NOC2L: variants seen among roughly 807,000 people sequenced by gnomAD.
NOC2L encodes nucleolar complex protein 2 homolog.
A neutral mutation model predicts 94.2 loss-of-function variants in NOC2L; 101 were observed. That is an observed-to-expected ratio of 1.07 (90% CI 0.91 to 1.26). The LOEUF is 1.26. NOC2L is among the 50% of genes most tolerant of loss of function. The pLI, the probability that NOC2L is intolerant of heterozygous loss-of-function variation, is 0.00. For missense variants in NOC2L, 1,076 were observed against 980.1 expected, an observed-to-expected ratio of 1.10 and a Z score of -1.31; for synonymous variants, 531 against 413.4, an observed-to-expected ratio of 1.28 and a Z score of -3.45.
rs1479129065 is a variant in NOC2L, at chr1:945,207, C to T, written c.2054-61G>A. Reference sequence around the variant, plus strand: ...CCCACAGGGTCCACCAGCAAAGTCACAGTGGGGGCAGGAGGGTGGCCAGGC... The same window carrying T: ...CCCACAGGGTCCACCAGCAAAGTCATAGTGGGGGCAGGAGGGTGGCCAGGC... On this transcript the variant is annotated intron_variant, in intron 17 of 18. Transcript: ENST00000327044. 1.6e-5 allele frequency: 25 copies of T among 1,537,576 alleles called. 1 individual carries two copies. The highest frequency in any genetic ancestry group is 2.5e-5 in the East Asian group (1 of 40,798).
intron 15 of NOC2L, 37 bp downstream of exon 15, chr1:946,365 G>C: frequency 2.5e-6 from 4 of 1,613,256 alleles, no homozygotes; most frequent in Non-Finnish European, 3.4e-6. Flanking sequence ...ACCCTGGCAG[G>C]TGCCCTCAGG....
intron 12 of NOC2L, among the ~76,000 whole-genome samples, chr1:950,659 GCA>G (rs891444304): frequency 2.3e-4 from 9 of 39,668 alleles, no homozygotes; most frequent in African/African-American, 4.2e-4. Context: ...GAACTGATAT[GCA>G]CACACACACA....
At chr1:945,171 T>G in intron 17 of NOC2L, 25 bp from the exon 18 acceptor site, 1 of 1,572,640 alleles carries the variant, frequency 6.4e-7, no homozygotes, top group Non-Finnish European at 8.6e-7. Flanking sequence ...GCAGAGTCCA[T>G]ATGACTCCCA....
chr1:944,923 A>G, intron 18 of NOC2L, 123 bp from the exon 19 acceptor site: 1 of 1,459,082 alleles, frequency 6.9e-7, no homozygotes, highest in South Asian at 1.2e-5. Flanking sequence ...GCTGCCAGAG[A>G]ACAGAGCATT....
intron 4 of NOC2L, 29 bp downstream of exon 4, chr1:956,865 C>G: frequency 6.2e-7 from 1 of 1,612,082 alleles, no homozygotes; most frequent in Non-Finnish European, 8.5e-7. Context: ...GCCTGGGCAC[C>G]CAGCTGCCCG....
rs1642108650 is a variant in NOC2L at position 946,279 on chromosome 1, C to T, written c.1811G>A (p.Trp604Ter). The T allele has an allele frequency of 3.1e-6, 5 of 1,613,498 alleles. No individual in the cohort carries two copies. The highest frequency in any genetic ancestry group is 3.4e-6 in the Non-Finnish European group (4 of 1,179,658). ...CCCCTCTTCCCGGGTCAGCTTCTCC[C>T]AGGCTTCCTGGGGGGTTGGGGGAGT... ...GVSEQQAVEAWEKLTREEGTP... is the reference protein window; with the variant it reads ...GVSEQQAVEA The change falls in exon 16 of 19, where the codon TGG (tryptophan) becomes TAG (stop). Residue 604 changes from tryptophan to a stop codon, truncating the protein, a stop_gained. Transcript: ENST00000327044. LOFTEE classifies it high-confidence loss of function.
In NOC2L at chr1:945,615, C is replaced by A. The variant is rs769972766; in HGVS notation, c.1956G>T (p.Lys652Asn). Residue 652 changes from lysine to asparagine, a missense_variant, in exon 17 of 19, where the codon AAG becomes AAT. Coordinates refer to ENST00000327044, the MANE Select transcript of NOC2L (RefSeq NM_015658.4). ...TGTCCTCATCCTTCCTGTCAGCCAT[C>A]TTCCTTCGTTTGATCTCAGGGAAGT... ...DLNFPEIKRRKMADRKDEDRK... is the reference protein window; with the variant it reads ...DLNFPEIKRRNMADRKDEDRK... The A allele has an allele frequency of 6.2e-7, 1 of 1,614,220 alleles. No individual in the cohort carries two copies. Among genetic ancestry groups the A allele is most frequent in the South Asian group, 1.1e-5 (1 of 91,082 alleles).
rs200646300 is a variant in NOC2L, at chr1:951,140, G to A, written c.1430C>T (p.Pro477Leu). 71 of 1,583,272 alleles carry A rather than the reference G, an allele frequency of 4.5e-5. No homozygotes were observed. Among genetic ancestry groups the A allele is most frequent in the Non-Finnish European group, 5.4e-5 (63 of 1,164,462 alleles). The change falls in exon 12 of 19, where the codon CCT becomes CTT. Residue 477 changes from proline (P) to leucine (L), a missense_variant. Transcript: ENST00000327044. ...GSSGAFIPVL[P>L]FILEMFQQVD... ...AGCCTCACTCACCTCCAGGATGAAA[G>A]GCAGCACCGGGATGAAGGCCCCCGA...
At position 945,640 on chromosome 1, in the gene NOC2L, T is replaced by C; in HGVS notation, c.1931A>G (p.Asn644Ser). 1 of 1,614,132 alleles carries C rather than the reference T, an allele frequency of 6.2e-7. No individual in the cohort carries two copies. Among genetic ancestry groups the C allele is most frequent in the Non-Finnish European group, 8.5e-7 (1 of 1,179,994 alleles). ...CTTCCTTCGTTTGATCTCAGGGAAGTTCAGGTCTTCCAGCTGGAAGGCCAA... is the reference window on the plus strand; with the variant it reads ...CTTCCTTCGTTTGATCTCAGGGAAGCTCAGGTCTTCCAGCTGGAAGGCCAA... ...ISGKERLEDLNFPEIKRRKMA... is the reference protein window; with the variant it reads ...ISGKERLEDLSFPEIKRRKMA... The change falls in exon 17 of 19, where the codon AAC becomes AGC. Residue 644 changes from asparagine (N) to serine (S), a missense_variant. By Grantham distance (46) the Asn-to-Ser change is conservative (BLOSUM62 1). This residue lies in a region of NOC2L where 615 missense variants were observed against 577.4 expected (regional missense o/e 1.07). Coordinates refer to ENST00000327044, the MANE Select transcript of NOC2L (RefSeq NM_015658.4).
In NOC2L at chr1:944,549, T is replaced by C. The variant is rs1353790297; in HGVS notation, c.*145A>G. On this transcript the variant is annotated 3_prime_UTR_variant, in exon 19 of 19. Transcript: ENST00000327044. ...AGCTCTCGATACGTTTGGTCTTTCA[T>C]GCTGAAAAATAAATAATAAAGCCTG... 3.2e-6 allele frequency: 2 copies of C among 629,296 alleles called. No individual in the cohort carries two copies. The highest frequency in any genetic ancestry group is 2.9e-5 in the East Asian group (1 of 34,304). 39.0% of individuals were successfully genotyped at this position (629,296 alleles called of 1,614,324 possible). A position where few individuals can be genotyped will look rare whatever the true frequency, so the allele number is the denominator to read the frequency against.
intron 14 of NOC2L, 32 bp downstream of exon 14, chr1:948,099 C>T (rs1024070229): frequency 4.9e-5 from 75 of 1,520,158 alleles, no homozygotes; most frequent in Middle Eastern, 2.2e-4. Context: ...CAGTCTGAGT[C>T]GGCCACGAGC....
chr1:953,385 T>C, intron 8 of NOC2L, 97 bp from the exon 9 acceptor site: 2 of 719,510 alleles, frequency 2.8e-6, no homozygotes, highest in Admixed American at 4.6e-5. Context: ...AAGGCTCCCA[T>C]GGCCACCAGC....
rs1642453355 is a variant in NOC2L at position 957,769 on chromosome 1, C to T, written c.180-496G>A. The T allele has an allele frequency of 1.9e-5, 3 of 161,608 alleles. No homozygotes were observed. The South Asian group carries it at 5.0e-4, about 27-fold the overall frequency. 10.0% of individuals were successfully genotyped at this position (161,608 alleles called of 1,614,324 possible). A position where few individuals can be genotyped will look rare whatever the true frequency, so the allele number is the denominator to read the frequency against. Reference sequence around the variant, plus strand: ...TCTCTGTTTCCACCCTTGTCACCTACAAGGCACTCCACCGCTCAAACCCAG... The same window carrying T: ...TCTCTGTTTCCACCCTTGTCACCTATAAGGCACTCCACCGCTCAAACCCAG... On this transcript the variant is annotated intron_variant, in intron 2 of 18. Transcript: ENST00000327044.
At position 945,127 on chromosome 1, in the gene NOC2L, G is replaced by C. The variant is rs916386848; in HGVS notation, c.2073C>G (p.Ser691Arg). The change falls in exon 18 of 19, where the codon AGC (serine) becomes AGG (arginine). Residue 691 changes from serine to arginine, a missense_variant. Transcript: ENST00000327044. ...FSERGILRPL[S>R]TRHGVEDDEE... Reference sequence around the variant, plus strand: ...CATCGTCTTCCACCCCATGCCGAGTGCTCAGGGGCCTCAGTATCCCTGAGG... The same window carrying C: ...CATCGTCTTCCACCCCATGCCGAGTCCTCAGGGGCCTCAGTATCCCTGAGG... 6.2e-7 allele frequency: 1 copy of C among 1,610,960 alleles called. No individual in the cohort carries two copies. The highest frequency in any genetic ancestry group is 1.3e-5 in the African/African-American group (1 of 74,846).
At chr1:953,575 G>C (rs932995305) in intron 8 of NOC2L, among the ~76,000 whole-genome samples, 1 of 152,248 alleles carries the variant, frequency 6.6e-6, no homozygotes, top group Non-Finnish European at 1.5e-5. Context: ...CACGGACTGA[G>C]CCGCGCTGCC....
chr1:944,254 CA>C lies in NOC2L; in HGVS notation c.*439del, dbSNP rs1297820936. ...GCTTTATTTCTTTCGGTTTCGGATG[CA>C]AAACAAAAAATTTTAAAAGAAAATG... On this transcript the variant is annotated 3_prime_UTR_variant, in exon 19 of 19. Coordinates refer to ENST00000327044, the MANE Select transcript of NOC2L (RefSeq NM_015658.4). The C allele has an allele frequency of 1.4e-6, 2 of 1,449,868 alleles. No individual in the cohort carries two copies. Among genetic ancestry groups the C allele is most frequent in the African/African-American group, 2.9e-5 (2 of 69,518 alleles). The allele number at this position is 1,449,868 out of a possible 1,614,324, so 89.8% of individuals were successfully genotyped here.
At position 953,254 on chromosome 1, in the gene NOC2L, G is replaced by A. The variant is rs1642307387; in HGVS notation, c.923C>T (p.Ser308Phe). The change falls in exon 9 of 19, where the codon TCT becomes TTT. Residue 308 changes from serine (S) to phenylalanine (F), a missense_variant. Coordinates refer to ENST00000327044, the MANE Select transcript of NOC2L (RefSeq NM_015658.4). ...MVIVWSTGEESLRVLAFLVLS... is the reference protein window; with the variant it reads ...MVIVWSTGEEFLRVLAFLVLS... Reference sequence around the variant, plus strand: ...GACCAGGAAAGCCAGCACCCGCAGAGACTCTTCCCCAGTGCTCCATACGAT... The same window carrying A: ...GACCAGGAAAGCCAGCACCCGCAGAAACTCTTCCCCAGTGCTCCATACGAT... 2 of 1,611,384 alleles carry A rather than the reference G, an allele frequency of 1.2e-6. No homozygotes were observed. Among genetic ancestry groups the A allele is most frequent in the Non-Finnish European group, 8.5e-7 (1 of 1,177,824 alleles).
chr1:951,064 A>G, intron 12 of NOC2L, 63 bp downstream of exon 12: 1 of 1,287,410 alleles, frequency 7.8e-7, no homozygotes, highest in Non-Finnish European at 1.1e-6. Flanking sequence ...AGACGCCCGG[A>G]GCAGCAGATG....
chr1:952,485 G>T lies in NOC2L; in HGVS notation c.1118C>A (p.Ala373Asp). 1 of 1,613,772 alleles carries T rather than the reference G, an allele frequency of 6.2e-7. No homozygotes were observed. Residue 373 changes from alanine to aspartate, a missense_variant, in exon 10 of 19, where the codon GCC becomes GAC. Physicochemically the swap from Ala to Asp is moderately radical, Grantham distance 126. This residue lies in a region of NOC2L where 615 missense variants were observed against 577.4 expected (regional missense o/e 1.07). Transcript: ENST00000327044. ...GATGTAGAGGAAGGCGTGCTGGTAGGCCACACCCGGCTCCAGGGCCAGCAG... is the reference window on the plus strand; with the variant it reads ...GATGTAGAGGAAGGCGTGCTGGTAGTCCACACCCGGCTCCAGGGCCAGCAG... ...TELLALEPGVAYQHAFLYIRQ... is the reference protein window; with the variant it reads ...TELLALEPGVDYQHAFLYIRQ...
Sources: gnomAD v4.1 joint callset for allele counts (sites outside exome capture counted in the v4.1 genomes callset) on GRCh38, gnomAD v4.1.1 for gene constraint, gnomAD v4.1.1 regional missense constraint, MANE v1.5 for transcripts, NCBI Gene and HGNC (gene_info 2026-07-23, HGNC 2026-07-21) for gene names.